Variants in SLC6A6 observed in about 807,000 individuals in gnomAD.
The protein encoded by SLC6A6 is sodium- and chloride-dependent taurine transporter.
SLC6A6 carries 16 observed loss-of-function variants against 68.8 expected under a neutral mutation model. That is an observed-to-expected ratio of 0.23 (90% CI 0.16 to 0.35). The LOEUF (loss-of-function observed/expected upper bound fraction) is 0.35, where lower values mean the gene tolerates loss of function less well. SLC6A6 is among the 10% of genes least tolerant of loss of function. The pLI is 1.00. For synonymous variants in SLC6A6, 312 were observed against 315.4 expected, an observed-to-expected ratio of 0.99 and a Z score of 0.12; for missense variants, 474 against 802.8, an observed-to-expected ratio of 0.59 and a Z score of 4.95.
chr3:14,407,510 CT>C lies in SLC6A6; in HGVS notation c.-54+4678del, dbSNP rs55889836. 6.0e-3 allele frequency among the ~76,000 whole-genome samples: 831 copies of C among 137,362 alleles called. 1 individual carries two copies. The highest frequency in any genetic ancestry group is 7.7e-3 in the Middle Eastern group (2 of 260). 90.1% of individuals were successfully genotyped at this position (137,362 alleles called of 152,430 possible). A position where few individuals can be genotyped will look rare whatever the true frequency, so the allele number is the denominator to read the frequency against. On this transcript the variant is annotated intron_variant, in intron 1 of 14. Coordinates refer to ENST00000622186, the MANE Select transcript of SLC6A6 (RefSeq NM_003043.6). ...CAGCCACTTTCTCCGTTTTCTTTTT[CT>C]TTTTTTTTTTTTTTGAGACAGAGTC...
At chr3:14,409,448 A>G (rs1699188406) in intron 1 of SLC6A6, among the ~76,000 whole-genome samples, 1 of 152,254 alleles carries the variant, frequency 6.6e-6, no homozygotes, top group African/African-American at 2.4e-5. Flanking sequence ...AGATGAGTTC[A>G]TCAGAAAAAT....
intron 6 of SLC6A6, among the ~76,000 whole-genome samples, chr3:14,461,407 T>A (rs1700490703): frequency 6.6e-6 from 1 of 152,142 alleles, no homozygotes; most frequent in African/African-American, 2.4e-5. Flanking sequence ...CTCTTCCGCC[T>A]CTTGTGCCCA....
At chr3:14,470,795 T>C (rs1178525490) in intron 9 of SLC6A6, among the ~76,000 whole-genome samples, 2 of 152,198 alleles carry the variant, frequency 1.3e-5, no homozygotes, top group Non-Finnish European at 2.9e-5. Flanking sequence ...CTGGGGTCCA[T>C]ATTTTTCTGA....
At chr3:14,452,965 A>T (rs1316591311) in intron 5 of SLC6A6, among the ~76,000 whole-genome samples, 2 of 152,232 alleles carry the variant, frequency 1.3e-5, no homozygotes, top group Non-Finnish European at 2.9e-5. Context: ...ACGTATCATT[A>T]GACTTTATTA....
intron 5 of SLC6A6, among the ~76,000 whole-genome samples, chr3:14,456,964 A>G (rs1183454094): frequency 6.6e-6 from 1 of 152,212 alleles, no homozygotes; most frequent in Admixed American, 6.5e-5. Flanking sequence ...GCTGTCCTCG[A>G]TCACTGTTGC....
intron 6 of SLC6A6, among the ~76,000 whole-genome samples, chr3:14,464,417 A>C (rs1216779591): frequency 2.0e-5 from 3 of 152,220 alleles, no homozygotes; most frequent in African/African-American, 7.2e-5. Context: ...AACTTACCTC[A>C]GAGGGTTAGG....
In SLC6A6 at chr3:14,487,851, A is replaced by G. The variant is rs1342409739; in HGVS notation, c.*2844A>G. 1 of 152,384 alleles carries G rather than the reference A, an allele frequency of 6.6e-6. No individual in the cohort carries two copies. The highest frequency in any genetic ancestry group is 2.4e-5 in the African/African-American group (1 of 41,440). The allele number at this position is 152,384 out of a possible 1,614,324, so 9.4% of individuals were successfully genotyped here. A position where few individuals can be genotyped will look rare whatever the true frequency, so the allele number is the denominator to read the frequency against. The stretch of plus-strand genomic sequence containing the variant: ...ATGGTGAGTGTCTAACCAGGGCTAC[A>G]TCCAGCAACATCCTCAAGGTCTTCC... On this transcript the variant is annotated 3_prime_UTR_variant, in exon 15 of 15. Transcript: ENST00000622186.
rs1574957699 is a variant in SLC6A6, at chr3:14,467,400, A to C, written c.868-453A>C. On this transcript the variant is annotated intron_variant, in intron 7 of 14. Coordinates refer to ENST00000622186, the MANE Select transcript of SLC6A6 (RefSeq NM_003043.6). ...CATTCTAACTCGGGGGTCTGCAAAC[A>C]GTAACAACAATGGTGGTGACAGCAG... 2.6e-5 allele frequency among the ~76,000 whole-genome samples: 4 copies of C among 152,278 alleles called. No individual in the cohort carries two copies. In the South Asian group the frequency reaches 8.3e-4, roughly 32 times the overall value.
chr3:14,485,082 A>T lies in SLC6A6; in HGVS notation c.*75A>T. On this transcript the variant is annotated 3_prime_UTR_variant, in exon 15 of 15. Coordinates refer to ENST00000622186, the MANE Select transcript of SLC6A6 (RefSeq NM_003043.6). ...TAGATTCTCATAGGACCAGGTTTAC[A>T]GAGCTTTATATTTGCACTAGGATTT... 1 of 1,310,484 alleles carries T rather than the reference A, an allele frequency of 7.6e-7. No individual in the cohort carries two copies. Among genetic ancestry groups the T allele is most frequent in the Non-Finnish European group, 1.0e-6 (1 of 966,044 alleles). 81.2% of individuals were successfully genotyped at this position (1,310,484 alleles called of 1,614,324 possible).
At chr3:14,470,846 G>T (rs1267649208) in intron 9 of SLC6A6, among the ~76,000 whole-genome samples, 1 of 152,094 alleles carries the variant, frequency 6.6e-6, no homozygotes, top group African/African-American at 2.4e-5. Context: ...GAGCAGTTTT[G>T]GGCTTGGTAA....
chr3:14,435,981 G>C (rs1456777938), intron 2 of SLC6A6, among the ~76,000 whole-genome samples: 2 of 152,154 alleles, frequency 1.3e-5, no homozygotes, highest in Admixed American at 1.3e-4. Flanking sequence ...TTGCCCACCA[G>C]GCCTCTGGAG....
intron 1 of SLC6A6, among the ~76,000 whole-genome samples, chr3:14,404,235 G>A (rs1463077198): frequency 1.3e-5 from 2 of 152,150 alleles, no homozygotes; most frequent in African/African-American, 2.4e-5. Flanking sequence ...CTCCTAGCCA[G>A]AAGGAGTTTA....
intron 5 of SLC6A6, among the ~76,000 whole-genome samples, chr3:14,453,225 A>G (rs1700295514): frequency 6.6e-6 from 1 of 152,208 alleles, no homozygotes; most frequent in Non-Finnish European, 1.5e-5. Context: ...TGCCGGCTGG[A>G]CGGCAGCAGG....
intron 6 of SLC6A6, among the ~76,000 whole-genome samples, chr3:14,465,172 T>A (rs62233575): frequency 0.052 from 7,849 of 152,308 alleles, 225 homozygotes; most frequent in South Asian, 0.12. Flanking sequence ...CCAGGCATAA[T>A]CTCTGTCTGG....
Position 14,467,897 on chromosome 3 carries a change from C to A in SLC6A6, c.912C>A (p.Ile304=). ...AGTQIFFSYA[I]CLGAMTSLGS... is the part of the protein sequence containing the mutation. Reference sequence around the variant, plus strand: ...CTCAGATATTCTTCTCTTATGCCATCTGCCTGGGGGCTATGACCTCGCTGG... The same window carrying A: ...CTCAGATATTCTTCTCTTATGCCATATGCCTGGGGGCTATGACCTCGCTGG... The change falls in exon 8 of 15, where the codon ATC becomes ATA. Residue 304 remains isoleucine, a synonymous_variant. Coordinates refer to ENST00000622186, the MANE Select transcript of SLC6A6 (RefSeq NM_003043.6). 10 of 1,613,848 alleles carry A rather than the reference C, an allele frequency of 6.2e-6. No individual in the cohort carries two copies. Among genetic ancestry groups the A allele is most frequent in the Non-Finnish European group, 8.5e-6 (10 of 1,179,766 alleles).
At chr3:14,439,521 T>C (rs1699934266) in intron 2 of SLC6A6, among the ~76,000 whole-genome samples, 2 of 152,234 alleles carry the variant, frequency 1.3e-5, no homozygotes, top group African/African-American at 4.8e-5. Flanking sequence ...GGAGAATGTT[T>C]AGCTGGGCAC....
rs534197072 is a variant in SLC6A6, at chr3:14,442,757, T to G, written c.-11-867T>G. On this transcript the variant is annotated intron_variant, in intron 2 of 14. Transcript: ENST00000622186. ...GAACAGCTCCGGGGGCTTAGAGATT[T>G]GACCTTCTCTGGGGCCTCCCGTTGG... Among the ~76,000 whole-genome samples, 12 of 152,270 alleles carry G rather than the reference T, an allele frequency of 7.9e-5. No homozygotes were observed. The South Asian group carries it at 2.5e-3, about 32-fold the overall frequency.
At chr3:14,440,577 C>T (rs934069493) in intron 2 of SLC6A6, among the ~76,000 whole-genome samples, 1 of 152,106 alleles carries the variant, frequency 6.6e-6, no homozygotes, top group Non-Finnish European at 1.5e-5. Context: ...CCTGATTCTG[C>T]TTTTTAATCT....
intron 2 of SLC6A6, among the ~76,000 whole-genome samples, chr3:14,440,475 G>A (rs575792456): frequency 1.6e-4 from 25 of 152,156 alleles, no homozygotes; most frequent in Admixed American, 7.8e-4. Flanking sequence ...CCAGAGGGTC[G>A]GCAGGGGCAT....
Sources: gnomAD v4.1 joint callset for allele counts (sites outside exome capture counted in the v4.1 genomes callset) on GRCh38, gnomAD v4.1.1 for gene constraint, MANE v1.5 for transcripts, NCBI Gene and HGNC (gene_info 2026-07-23, HGNC 2026-07-21) for gene names.